MACF1: variants seen among roughly 807,000 people sequenced by gnomAD.
MACF1 encodes microtubule-actin cross-linking factor 1.
A neutral mutation model predicts 854.8 loss-of-function variants in MACF1; 193 were observed. The observed-to-expected ratio is 0.23, with a 90% CI of 0.20 to 0.25. MACF1 has a LOEUF of 0.25. MACF1 is among the 10% of genes least tolerant of loss of function. The pLI is 1.00. For synonymous variants in MACF1, 3,185 were observed against 3,226.7 expected (o/e 0.99, Z 0.44); for missense variants, 7,722 against 8,929.1 (o/e 0.86, Z 5.45).
At chr1:39,268,421 T>C in intron 6 of MACF1, 1 of 1,033,638 alleles carries the variant, frequency 9.7e-7, no homozygotes, top group South Asian at 3.4e-5. Context: ...GCCAATCCGG[T>C]TTCTGTCTGC....
intron 2 of MACF1, among the ~76,000 whole-genome samples, chr1:39,089,876 C>T (rs894946828): frequency 6.6e-6 from 1 of 152,154 alleles, no homozygotes; most frequent in Non-Finnish European, 1.5e-5. Flanking sequence ...GGGAAATGAA[C>T]GAGAATCAGA....
At chr1:39,256,862 CTT>C (rs1240294171) in intron 5 of MACF1, among the ~76,000 whole-genome samples, 2 of 148,418 alleles carry the variant, frequency 1.3e-5, no homozygotes, top group African/African-American at 5.0e-5. Flanking sequence ...AGGCATCTCT[CTT>C]TTCTGTCTTT....
intron 2 of MACF1, among the ~76,000 whole-genome samples, chr1:39,142,000 CTCTT>C (rs1271685382): frequency 1.3e-5 from 2 of 152,200 alleles, no homozygotes; most frequent in African/African-American, 4.8e-5. Context: ...TTTCCCATTT[CTCTT>C]TCTTAGAGCT....
chr1:39,167,614 G>A (rs1434625831), intron 2 of MACF1, among the ~76,000 whole-genome samples: 1 of 152,036 alleles, frequency 6.6e-6, no homozygotes, highest in Non-Finnish European at 1.5e-5. Flanking sequence ...CCTGAGGCAG[G>A]AGAATCGCTT....
Position 39,350,896 on chromosome 1 carries a change from G to C in MACF1, c.11077G>C (p.Ala3693Pro), listed in dbSNP as rs774610656. ...QTKLSPRELT[A>P]LREKLHQAKE... The stretch of plus-strand genomic sequence containing the variant: ...CAAGCTGAGCCCACGTGAGTTGACA[G>C]CTCTTCGGGAAAAGCTTCATCAGGC... The change falls in exon 43 of 101, where the codon GCT becomes CCT. Residue 3693 changes from alanine to proline, a missense_variant. By Grantham distance (27) the Ala-to-Pro change is conservative (BLOSUM62 -1). Transcript: ENST00000564288. 1 of 1,614,110 alleles carries C rather than the reference G, an allele frequency of 6.2e-7. No individual in the cohort carries two copies. Among genetic ancestry groups the C allele is most frequent in the South Asian group, 1.1e-5 (1 of 91,078 alleles).
In MACF1 at chr1:39,353,217, T is replaced by C. The variant is rs372604202; in HGVS notation, c.11410T>C (p.Cys3804Arg). Residue 3804 changes from cysteine (C) to arginine (R), a missense_variant, in exon 44 of 101, where the codon TGT becomes CGT. Transcript: ENST00000564288. ...AGCCCCAGAGAAACTGGACAAGCAA[T>C]GTGAGATGATGAAGGTAAGGGTGTT... ...NQAPEKLDKQCEMMKARHQEL... is the reference protein window; with the variant it reads ...NQAPEKLDKQREMMKARHQEL... The C allele has an allele frequency of 6.2e-7, 1 of 1,604,396 alleles. No individual in the cohort carries two copies. The highest frequency in any genetic ancestry group is 1.3e-5 in the African/African-American group (1 of 74,738).
chr1:39,097,581 GC>G (rs576214575), intron 2 of MACF1, among the ~76,000 whole-genome samples: 27 of 152,034 alleles, frequency 1.8e-4, no homozygotes, highest in Non-Finnish European at 3.4e-4. Context: ...AATTAGCTGG[GC>G]ATGGTGGTGT....
At chr1:39,157,075 T>A (rs192306786) in intron 2 of MACF1, among the ~76,000 whole-genome samples, 1 of 151,832 alleles carries the variant, frequency 6.6e-6, no homozygotes, top group African/African-American at 2.4e-5. Flanking sequence ...GCTCAAGTGA[T>A]CCTCCCACCT....
intron 40 of MACF1, among the ~76,000 whole-genome samples, chr1:39,344,362 G>C (rs1245329576): frequency 6.6e-6 from 1 of 151,674 alleles, no homozygotes; most frequent in South Asian, 2.1e-4. Context: ...AACCCGGGAG[G>C]TGGAGATTGC....
chr1:39,383,269 T>C (rs16826104), intron 56 of MACF1, among the ~76,000 whole-genome samples: 3,670 of 152,310 alleles, frequency 0.024, 117 homozygotes, highest in East Asian at 0.17. Context: ...AGAGTACTTT[T>C]TGAAGGAACT....
intron 58 of MACF1, 38 bp downstream of exon 58, chr1:39,388,696 T>C: frequency 6.7e-7 from 1 of 1,499,112 alleles, no homozygotes; most frequent in Non-Finnish European, 8.9e-7. Flanking sequence ...CTTTTACATG[T>C]ATTTATTTGC....
rs950147674 is a variant in MACF1 at position 39,461,973 on chromosome 1, C to G, written c.21614C>G (p.Ala7205Gly). 6.2e-7 allele frequency: 1 copy of G among 1,613,956 alleles called. No individual in the cohort carries two copies. The change falls in exon 93 of 101, where the codon GCT (alanine) becomes GGT (glycine). Residue 7205 changes from alanine to glycine, a missense_variant. Physicochemically the swap from Ala to Gly is moderately conservative, Grantham distance 60. Coordinates refer to ENST00000564288, the MANE Select transcript of MACF1 (RefSeq NM_001394062.1). Reference sequence around the variant, plus strand: ...TACATTGATTATTATGAATTTGTGGCTGCTCTTCATCCCAACAAGGATGCG... The same window carrying G: ...TACATTGATTATTATGAATTTGTGGGTGCTCTTCATCCCAACAAGGATGCG... Reference protein sequence around the residue: ...DGYIDYYEFVAALHPNKDAYR... With the variant: ...DGYIDYYEFVGALHPNKDAYR...
chr1:39,428,147 G>C lies in MACF1; in HGVS notation c.16663G>C (p.Ala5555Pro). ...CCRKAALLDQALSNARLFGED... is the reference protein window; with the variant it reads ...CCRKAALLDQPLSNARLFGED... The stretch of plus-strand genomic sequence containing the variant: ...TCGGAAGGCAGCCCTACTTGACCAA[G>C]CTCTGTCTAATGCTAGGCTGTTTGG... Residue 5555 changes from alanine (A) to proline (P), a missense_variant, in exon 63 of 101, where the codon GCT (alanine) becomes CCT (proline). Physicochemically the swap from Ala to Pro is conservative, Grantham distance 27. Transcript: ENST00000564288. The C allele has an allele frequency of 6.2e-7, 1 of 1,614,198 alleles. No homozygotes were observed. Among genetic ancestry groups the C allele is most frequent in the Non-Finnish European group, 8.5e-7 (1 of 1,180,040 alleles).
At chr1:39,482,170 A>G (rs1382255596) in intron 99 of MACF1, among the ~76,000 whole-genome samples, 1 of 151,808 alleles carries the variant, frequency 6.6e-6, no homozygotes, top group Non-Finnish European at 1.5e-5. Context: ...TTCCTTACTT[A>G]TTGGTGTTCT....
chr1:39,337,445 A>T, intron 38 of MACF1, 114 bp downstream of exon 38: 1 of 978,158 alleles, frequency 1.0e-6, no homozygotes, highest in Non-Finnish European at 1.5e-6. Flanking sequence ...TAGGGTAAAC[A>T]ATCTCAGACC....
chr1:39,208,598 C>T (rs1644480012), intron 1 of MACF1, among the ~76,000 whole-genome samples: 2 of 152,052 alleles, frequency 1.3e-5, no homozygotes, highest in South Asian at 2.1e-4. Context: ...AGACTACAGG[C>T]GCCTGCCACC....
intron 2 of MACF1, among the ~76,000 whole-genome samples, chr1:39,133,395 T>C (rs1221102368): frequency 6.6e-6 from 1 of 152,196 alleles, no homozygotes; most frequent in East Asian, 1.9e-4. Context: ...TGATCCCTTT[T>C]GTTTGTAGTG....
intron 58 of MACF1, chr1:39,410,965 CCTGTAGAATCAGAAG>C (rs1199648835): frequency 1.2e-5 from 20 of 1,613,842 alleles, no homozygotes; most frequent in Non-Finnish European, 1.7e-5. Flanking sequence ...TGAATTCCAG[CCTGTAGAATCAGAAG>C]CTGTAGCAAC....
intron 70 of MACF1, among the ~76,000 whole-genome samples, chr1:39,436,262 A>G (rs1437863095): frequency 6.6e-6 from 1 of 152,102 alleles, no homozygotes; most frequent in East Asian, 1.9e-4. Context: ...CAACTAATAT[A>G]TTACTCTTAG....
Sources: allele counts gnomAD v4.1 joint callset (sites outside exome capture counted in the v4.1 genomes callset), GRCh38; gene constraint gnomAD v4.1.1; transcripts MANE v1.5; gene names NCBI Gene and HGNC (gene_info 2026-07-23, HGNC 2026-07-21).